Variants in KYAT1 observed in about 807,000 individuals in gnomAD.
KYAT1 encodes the protein kynurenine aminotransferase 1, also known as kynurenine--oxoglutarate transaminase 1.
Under a neutral mutation model 52.4 loss-of-function variants are expected in KYAT1, and 47 were observed. The ratio of observed to expected loss-of-function variants is 0.90; its 90% confidence interval spans 0.71 to 1.14. The LOEUF is 1.14. Among genes scored for constraint, KYAT1 ranks in the 50% most tolerant of loss-of-function variants. The probability of loss-of-function intolerance (pLI) is 0.00; values close to 1 mark genes in which losing one functional copy is unlikely to be tolerated. For missense variants in KYAT1, 480 were observed against 557.9 expected (o/e 0.86, Z 1.41); for synonymous variants, 212 against 209.6 (o/e 1.01, Z -0.10).
intron 3 of KYAT1, among the ~76,000 whole-genome samples, chr9:128,839,628 A>G (rs1831779845): frequency 6.6e-6 from 1 of 152,190 alleles, no homozygotes; most frequent in South Asian, 2.1e-4. Context: ...CCGTCTCAAA[A>G]AAAACAAAAA....
rs536376027 is a variant in KYAT1 at position 128,864,851 on chromosome 9, C to T, written c.-7+17046G>A. Among the ~76,000 whole-genome samples the T allele has an allele frequency of 2.0e-3, 307 of 151,906 alleles. 1 individual carries two copies. Among genetic ancestry groups the T allele is most frequent in the African/African-American group, 6.4e-3 (264 of 41,448 alleles). Reference sequence around the variant, plus strand: ...CTAGAACTCCTGACCTCAAGTGATCCGCCTGCCTAGGCCTCCCAAAGTGCT... The same window carrying T: ...CTAGAACTCCTGACCTCAAGTGATCTGCCTGCCTAGGCCTCCCAAAGTGCT... On this transcript the variant is annotated intron_variant, in intron 1 of 12. Coordinates refer to ENST00000302586, the MANE Select transcript of KYAT1 (RefSeq NM_004059.5).
chr9:128,838,148 G>A lies in KYAT1; in HGVS notation c.352-11C>T. 1 of 1,614,090 alleles carries A rather than the reference G, an allele frequency of 6.2e-7. No homozygotes were observed. The highest frequency in any genetic ancestry group is 2.2e-5 in the East Asian group (1 of 44,870). On this transcript the variant is annotated splice_polypyrimidine_tract_variant and intron_variant, in intron 4 of 12. Transcript: ENST00000302586. ...TTCGATGATGATGACCTGATATAAGGGTCAAATCAGCTGGAGTCAGCATGG... is the reference window on the plus strand; with the variant it reads ...TTCGATGATGATGACCTGATATAAGAGTCAAATCAGCTGGAGTCAGCATGG...
At chr9:128,869,582 C>G (rs1836937376) in intron 1 of KYAT1, among the ~76,000 whole-genome samples, 1 of 152,080 alleles carries the variant, frequency 6.6e-6, no homozygotes, top group Admixed American at 6.6e-5. Flanking sequence ...AAAATTAACT[C>G]AAAATAAACC....
chr9:128,855,126 A>T (rs1204184636), intron 1 of KYAT1, among the ~76,000 whole-genome samples: 2 of 152,212 alleles, frequency 1.3e-5, no homozygotes, highest in African/African-American at 4.8e-5. Flanking sequence ...TGGGAAAAAT[A>T]TGTGGCTGAT....
intron 1 of KYAT1, among the ~76,000 whole-genome samples, chr9:128,845,878 T>G (rs1055840427): frequency 6.6e-6 from 1 of 152,198 alleles, no homozygotes; most frequent in Non-Finnish European, 1.5e-5. Context: ...CTGAATGACC[T>G]GGTCAGGCCT....
intron 1 of KYAT1, chr9:128,846,820 G>T: frequency 6.5e-7 from 1 of 1,535,594 alleles, no homozygotes. Context: ...TGGCTGGTGG[G>T]CCGTGGAGCT....
intron 1 of KYAT1, among the ~76,000 whole-genome samples, chr9:128,857,149 C>T (rs1229301769): frequency 4.6e-5 from 7 of 152,242 alleles, no homozygotes; most frequent in Admixed American, 4.6e-4. Context: ...CACATGCAGG[C>T]ATAGTACCTC....
At chr9:128,852,508 T>C (rs1271772501) in intron 1 of KYAT1, among the ~76,000 whole-genome samples, 1 of 152,368 alleles carries the variant, frequency 6.6e-6, no homozygotes, top group South Asian at 2.1e-4. Flanking sequence ...CAGATTGTTA[T>C]GTCATTCATT....
chr9:128,857,402 CT>C (rs1451390910), intron 1 of KYAT1, among the ~76,000 whole-genome samples: 25 of 152,200 alleles, frequency 1.6e-4, no homozygotes, highest in Admixed American at 1.5e-3. Context: ...TTTTCTCAGT[CT>C]CTCGTCCCAC....
chr9:128,870,430 T>G (rs1487213762), intron 1 of KYAT1, among the ~76,000 whole-genome samples: 1 of 152,092 alleles, frequency 6.6e-6, no homozygotes, highest in East Asian at 1.9e-4. Context: ...GGAGGATCAT[T>G]GTTTGACACC....
At chr9:128,840,515 T>G (rs1468657658) in intron 3 of KYAT1, 1 of 371,014 alleles carries the variant, frequency 2.7e-6, no homozygotes, top group East Asian at 7.5e-5. Context: ...CCTCCCAGAA[T>G]GCTGGGATTA....
chr9:128,868,633 G>A (rs1244507129), intron 1 of KYAT1, among the ~76,000 whole-genome samples: 1 of 151,746 alleles, frequency 6.6e-6, no homozygotes, highest in Non-Finnish European at 1.5e-5. Context: ...TTCTCATAGA[G>A]TCAAGCAATC....
intron 2 of KYAT1, among the ~76,000 whole-genome samples, chr9:128,843,422 A>G (rs997867781): frequency 7.5e-5 from 11 of 147,620 alleles, no homozygotes; most frequent in Non-Finnish European, 1.6e-4. Flanking sequence ...TCTATCCCCT[A>G]GGCTGGAGTG....
In KYAT1 at chr9:128,836,081, A is replaced by C; in HGVS notation, c.689-8T>G. 1 of 1,613,300 alleles carries C rather than the reference A, an allele frequency of 6.2e-7. No individual in the cohort carries two copies. The highest frequency in any genetic ancestry group is 8.5e-7 in the Non-Finnish European group (1 of 1,179,492). ...ACATGCCAGGGAGGCTGGCTGCCCA[A>C]GGCCGAACAGAACAGCTGCTGAGAC... On this transcript the variant is annotated splice_polypyrimidine_tract_variant and splice_region_variant and intron_variant, in intron 7 of 12. Coordinates refer to ENST00000302586, the MANE Select transcript of KYAT1 (RefSeq NM_004059.5).
At chr9:128,862,757 G>C (rs1835631605) in intron 1 of KYAT1, among the ~76,000 whole-genome samples, 1 of 152,188 alleles carries the variant, frequency 6.6e-6, no homozygotes, top group Non-Finnish European at 1.5e-5. Flanking sequence ...TCCATTGCAG[G>C]GGACTGGCAG....
At chr9:128,865,996 G>C (rs1318972478) in intron 1 of KYAT1, among the ~76,000 whole-genome samples, 1 of 152,174 alleles carries the variant, frequency 6.6e-6, no homozygotes, top group Admixed American at 6.6e-5. Context: ...TTAGAACAAA[G>C]ATTCTCTTCT....
intron 1 of KYAT1, among the ~76,000 whole-genome samples, chr9:128,879,599 G>C (rs7042449): frequency 0.055 from 8,424 of 152,216 alleles, 280 homozygotes; most frequent in African/African-American, 0.096. Flanking sequence ...CTCCAATCCT[G>C]TTGGTCACCC....
intron 2 of KYAT1, among the ~76,000 whole-genome samples, chr9:128,844,606 C>A (rs1293500808): frequency 6.6e-6 from 1 of 151,108 alleles, no homozygotes; most frequent in African/African-American, 2.4e-5. Flanking sequence ...AGGAGAATTG[C>A]TTGAACCTGT....
At chr9:128,877,519 C>T (rs184985125) in intron 1 of KYAT1, among the ~76,000 whole-genome samples, 73 of 152,338 alleles carry the variant, frequency 4.8e-4, no homozygotes, top group African/African-American at 1.7e-3. Flanking sequence ...CCTGGTTTGC[C>T]TATTTCCAAA....
Sources: gnomAD v4.1 joint callset for allele counts (sites outside exome capture counted in the v4.1 genomes callset) on GRCh38, gnomAD v4.1.1 for gene constraint, MANE v1.5 for transcripts, NCBI Gene and HGNC (gene_info 2026-07-23, HGNC 2026-07-21) for gene names.